PTPRG: variants seen among roughly 807,000 people sequenced by gnomAD.
The protein encoded by PTPRG is receptor-type tyrosine-protein phosphatase gamma.
PTPRG carries 102 observed loss-of-function variants against 165.3 expected under a neutral mutation model. That is an observed-to-expected ratio of 0.62 (90% CI 0.53 to 0.73). PTPRG has a LOEUF of 0.73. Ranked by LOEUF, PTPRG falls within the 30% of genes least tolerant of loss-of-function variation. PTPRG has a pLI of 0.00. For missense variants in PTPRG, 1,866 were observed against 1,861.4 expected, an observed-to-expected ratio of 1.00 and a Z score of -0.05; for synonymous variants, 675 against 669.5, an observed-to-expected ratio of 1.01 and a Z score of -0.13.
At chr3:61,930,313 A>T (rs747280311) in intron 2 of PTPRG, among the ~76,000 whole-genome samples, 3 of 152,200 alleles carry the variant, frequency 2.0e-5, no homozygotes, top group Non-Finnish European at 4.4e-5. Flanking sequence ...CTCAAGGGTG[A>T]CTTTGAAAGG....
intron 2 of PTPRG, among the ~76,000 whole-genome samples, chr3:61,761,488 G>A (rs998430874): frequency 1.3e-5 from 2 of 152,206 alleles, no homozygotes; most frequent in Non-Finnish European, 2.9e-5. Flanking sequence ...TGAAGCAGGA[G>A]AATCGCTTGA....
intron 4 of PTPRG, among the ~76,000 whole-genome samples, chr3:62,042,501 G>C (rs1229639133): frequency 6.6e-6 from 1 of 152,076 alleles, no homozygotes; most frequent in African/African-American, 2.4e-5. Flanking sequence ...TTTTCTTTCT[G>C]TATCATGAAT....
chr3:62,140,071 G>C (rs1011231465), intron 6 of PTPRG, among the ~76,000 whole-genome samples: 1 of 152,274 alleles, frequency 6.6e-6, no homozygotes, highest in Admixed American at 6.5e-5. Context: ...CTAGAACAGT[G>C]GGTAGACTTC....
At chr3:61,615,001 A>G (rs1285217210) in intron 1 of PTPRG, among the ~76,000 whole-genome samples, 1 of 152,208 alleles carries the variant, frequency 6.6e-6, no homozygotes, top group Non-Finnish European at 1.5e-5. Flanking sequence ...TCCACCCGTT[A>G]TAGTTTTAAA....
chr3:62,047,893 G>A (rs981126197), intron 4 of PTPRG, among the ~76,000 whole-genome samples: 3 of 151,958 alleles, frequency 2.0e-5, no homozygotes, highest in Non-Finnish European at 2.9e-5. Flanking sequence ...TTACAGGATC[G>A]CAAAAAAGCC....
At chr3:61,616,489 T>G (rs12637304) in intron 1 of PTPRG, among the ~76,000 whole-genome samples, 14,579 of 152,220 alleles carry the variant, frequency 0.096, 780 homozygotes, top group Middle Eastern at 0.13. Context: ...CCGACTGTTT[T>G]GAATATGTTT....
intron 25 of PTPRG, 27 bp from the exon 26 acceptor site, chr3:62,277,524 T>G: frequency 6.2e-7 from 1 of 1,604,532 alleles, no homozygotes; most frequent in Non-Finnish European, 8.5e-7. Context: ...TCATATTCAC[T>G]GATTTTTTTT....
intron 2 of PTPRG, among the ~76,000 whole-genome samples, chr3:61,966,627 T>G (rs993013829): frequency 1.3e-5 from 2 of 148,390 alleles, no homozygotes; most frequent in African/African-American, 5.0e-5. Context: ...TTCATTCGTG[T>G]TTTTTTTTTC....
chr3:61,946,823 GTTC>G (rs1285478543), intron 2 of PTPRG, among the ~76,000 whole-genome samples: 2 of 152,174 alleles, frequency 1.3e-5, no homozygotes, highest in Admixed American at 6.5e-5. Context: ...GCATGAGCTT[GTTC>G]TTATGTTAGA....
intron 2 of PTPRG, among the ~76,000 whole-genome samples, chr3:61,948,433 T>C (rs1575814344): frequency 6.6e-6 from 1 of 152,224 alleles, no homozygotes. Flanking sequence ...GGCATTGTTC[T>C]AGGTGCTGGG....
intron 2 of PTPRG, chr3:61,771,182 A>G (rs535290551): frequency 6.6e-6 from 1 of 152,188 alleles, no homozygotes; most frequent in Non-Finnish European, 1.5e-5. Context: ...CAGAAAAAAT[A>G]AGATGCATTC....
intron 4 of PTPRG, among the ~76,000 whole-genome samples, chr3:62,030,950 A>G (rs1219545653): frequency 6.6e-6 from 1 of 152,188 alleles, no homozygotes; most frequent in Non-Finnish European, 1.5e-5. Context: ...CCAAGACACA[A>G]TTTGTTGGTG....
intron 2 of PTPRG, among the ~76,000 whole-genome samples, chr3:61,874,889 A>G (rs1157040314): frequency 1.3e-5 from 2 of 152,214 alleles, no homozygotes; most frequent in Non-Finnish European, 2.9e-5. Flanking sequence ...TCCAGCGTTG[A>G]GTAAATCTGG....
At chr3:62,132,580 A>T (rs1703556182) in intron 5 of PTPRG, 22 bp from the exon 6 acceptor site, 2 of 1,569,390 alleles carry the variant, frequency 1.3e-6, no homozygotes, top group African/African-American at 2.7e-5. Context: ...GATTTAACCA[A>T]TCATGTTTCC....
chr3:61,743,497 C>T (rs1472166527), intron 1 of PTPRG, among the ~76,000 whole-genome samples: 1 of 149,548 alleles, frequency 6.7e-6, no homozygotes, highest in East Asian at 2.4e-4. Flanking sequence ...GTTTGTCAGG[C>T]CATGGGTGTC....
intron 2 of PTPRG, among the ~76,000 whole-genome samples, chr3:61,887,145 TATATATATATATA>T (rs2038066432): frequency 1.8e-5 from 1 of 56,488 alleles, no homozygotes; most frequent in African/African-American, 3.8e-5. Context: ...TATATATATA[TATATATATATATA>T]TATATATATA....
In PTPRG at chr3:62,269,010, CT is replaced by C. The variant is rs780926676; in HGVS notation, c.2875-22del. 2.0e-6 allele frequency: 3 copies of C among 1,535,088 alleles called. No homozygotes were observed. The Admixed American group carries it at 5.5e-5, about 28-fold the overall frequency. ...AATTGTGGCATAGATTGCAGTTATA[CT>C]TTACAACTTTTTTCTTTCTGCAGCG... On this transcript the variant is annotated intron_variant, in intron 19 of 29. Coordinates refer to ENST00000474889, the MANE Select transcript of PTPRG (RefSeq NM_002841.4).
rs1702130988 is a variant in PTPRG at position 62,273,195 on chromosome 3, G to C, written c.3318+114G>C. 1.7e-6 allele frequency: 2 copies of C among 1,197,812 alleles called. No homozygotes were observed. Among genetic ancestry groups the C allele is most frequent in the Non-Finnish European group, 2.3e-6 (2 of 879,802 alleles). The allele number at this position is 1,197,812 out of a possible 1,614,324, so 74.2% of individuals were successfully genotyped here. On this transcript the variant is annotated intron_variant, in intron 22 of 29. Transcript: ENST00000474889. The surrounding 1 kb of genome is among the most constrained non-coding windows in gnomAD (Gnocchi z 4.1). ...CTTTTAGGGCTTGCAGTAATTTACAGGTTTGTATTAGAAGATATTCTGACA... is the reference window on the plus strand; with the variant it reads ...CTTTTAGGGCTTGCAGTAATTTACACGTTTGTATTAGAAGATATTCTGACA...
At chr3:61,692,085 C>G (rs2030252000) in intron 1 of PTPRG, among the ~76,000 whole-genome samples, 1 of 152,226 alleles carries the variant, frequency 6.6e-6, no homozygotes, top group Admixed American at 6.5e-5. Flanking sequence ...GTATATGATA[C>G]ATAATGAATT....
Sources: allele counts gnomAD v4.1 joint callset (sites outside exome capture counted in the v4.1 genomes callset), GRCh38; gene constraint gnomAD v4.1.1; non-coding constraint Gnocchi (gnomAD v3.1); transcripts MANE v1.5; gene names NCBI Gene and HGNC (gene_info 2026-07-23, HGNC 2026-07-21).